The following B4GALT2 variants were observed in gnomAD, a reference collection of about 807,000 sequenced individuals.
The protein encoded by B4GALT2 is N-acetyllactosamine synthase.
In B4GALT2, 18 loss-of-function variants were observed where a neutral mutation model predicts 33.2. The observed-to-expected ratio is 0.54, with a 90% CI of 0.38 to 0.80. The LOEUF is 0.80. Ranked by LOEUF, B4GALT2 falls within the 30% of genes least tolerant of loss-of-function variation. B4GALT2 has a pLI of 0.00. For missense variants in B4GALT2, 404 were observed against 526.2 expected (o/e 0.77, Z 2.27); for synonymous variants, 214 against 217.6 (o/e 0.98, Z 0.15).
intron 3 of B4GALT2, among the ~76,000 whole-genome samples, chr1:43,983,300 A>T (rs2085621084): frequency 6.6e-6 from 1 of 152,192 alleles, no homozygotes; most frequent in South Asian, 2.1e-4. Context: ...GCATGAGAGG[A>T]GGAAGCCAGC....
chr1:43,980,531 C>G, intron 1 of B4GALT2: 1 of 994,716 alleles, frequency 1.0e-6, no homozygotes, highest in Non-Finnish European at 1.2e-6. Flanking sequence ...CTGCTTGTCG[C>G]TGGGATCTGA....
At position 43,989,679 on chromosome 1, in the gene B4GALT2, C is replaced by T. The variant is rs1028928924; in HGVS notation, c.969-619C>T. 3.3e-4 allele frequency among the ~76,000 whole-genome samples: 50 copies of T among 152,302 alleles called. 2 individuals carry two copies. The highest frequency in any genetic ancestry group is 1.8e-3 in the Admixed American group (27 of 15,288). On this transcript the variant is annotated intron_variant, in intron 6 of 6. Coordinates refer to ENST00000372324, the MANE Select transcript of B4GALT2 (RefSeq NM_003780.5). The stretch of plus-strand genomic sequence containing the variant: ...TCAAAAAGACAAAAGCACTCAAGTG[C>T]GCAGCCTCTGTAAGCTGGCTAGAAC...
In B4GALT2 at chr1:43,984,003, C is replaced by G. The variant is rs1407757267; in HGVS notation, c.550-862C>G. ...TCTCCAGGAACCTTTCTGGTTCTAG[C>G]CTGGAGACTGCAGGTTGGGGCAGGG... On this transcript the variant is annotated intron_variant, in intron 3 of 6. Transcript: ENST00000372324. This position sits in a 1 kb window ranked among gnomAD's most constrained non-coding sequence, Gnocchi z 5.6. Among the ~76,000 whole-genome samples the G allele has an allele frequency of 6.6e-6, 1 of 152,216 alleles. No individual in the cohort carries two copies. The highest frequency in any genetic ancestry group is 2.4e-5 in the African/African-American group (1 of 41,450).
At chr1:43,989,556 CAT>C (rs2085699585) in intron 6 of B4GALT2, among the ~76,000 whole-genome samples, 2 of 152,284 alleles carry the variant, frequency 1.3e-5, no homozygotes, top group Admixed American at 6.5e-5. Flanking sequence ...GGGGTCCTGA[CAT>C]ATGCATATCG....
intron 6 of B4GALT2, 125 bp downstream of exon 6, chr1:43,985,746 A>C: frequency 2.4e-6 from 2 of 847,676 alleles, no homozygotes; most frequent in Non-Finnish European, 3.8e-6. Context: ...TGACTCCAAA[A>C]AGGTGACTCC....
intron 6 of B4GALT2, among the ~76,000 whole-genome samples, chr1:43,988,097 A>C (rs1375589315): frequency 6.6e-6 from 1 of 152,234 alleles, no homozygotes; most frequent in Non-Finnish European, 1.5e-5. Flanking sequence ...CTCAATAAAT[A>C]GCTGGCAAGA....
At position 43,981,899 on chromosome 1, in the gene B4GALT2, G is replaced by A. The variant is rs751454567; in HGVS notation, c.524G>A (p.Arg175His). ...LHPILRRQRL[R>H]YGVYVINQHG... is the part of the protein sequence containing the mutation. ...CCCATCTTGAGGCGGCAGCGGCTGCGCTACGGCGTCTATGTCATCAACCAG... is the reference window on the plus strand; with the variant it reads ...CCCATCTTGAGGCGGCAGCGGCTGCACTACGGCGTCTATGTCATCAACCAG... The change falls in exon 3 of 7, where the codon CGC (arginine) becomes CAC (histidine). Residue 175 changes from arginine to histidine, a missense_variant. Transcript: ENST00000372324. This position sits in a 1 kb window ranked among gnomAD's most constrained non-coding sequence, Gnocchi z 8.1. 8.7e-6 allele frequency: 14 copies of A among 1,613,814 alleles called. No individual in the cohort carries two copies. The highest frequency in any genetic ancestry group is 1.1e-5 in the Non-Finnish European group (13 of 1,180,002).
At chr1:43,988,334 A>T (rs538285712) in intron 6 of B4GALT2, among the ~76,000 whole-genome samples, 2 of 148,022 alleles carry the variant, frequency 1.4e-5, no homozygotes, top group South Asian at 4.3e-4. Context: ...GACATAGTGA[A>T]ACCTTGTCTC....
Position 43,985,039 on chromosome 1 carries a change from G to A in B4GALT2, c.724G>A (p.Asp242Asn). ...DQPRHFAIAM[D>N]KFGFRLPYAG... The stretch of plus-strand genomic sequence containing the variant: ...ACCCCGCCACTTTGCCATTGCCATG[G>A]ACAAGTTTGGCTTCCGGTGAGGGCT... The change falls in exon 4 of 7, where the codon GAC becomes AAC. Residue 242 changes from aspartate to asparagine, a missense_variant. Coordinates refer to ENST00000372324, the MANE Select transcript of B4GALT2 (RefSeq NM_003780.5). 6.2e-7 allele frequency: 1 copy of A among 1,613,816 alleles called. No individual in the cohort carries two copies. The highest frequency in any genetic ancestry group is 8.5e-7 in the Non-Finnish European group (1 of 1,179,972).
At position 43,981,626 on chromosome 1, in the gene B4GALT2, G is replaced by C; in HGVS notation, c.314-63G>C. ...TCCCTAGCCCACCCCCAGGCTGAGG[G>C]TGGGGGCTGGTATCTGTGGATTCTG... On this transcript the variant is annotated intron_variant, in intron 2 of 6. Transcript: ENST00000372324. This position sits in a 1 kb window ranked among gnomAD's most constrained non-coding sequence, Gnocchi z 8.1. 2 of 1,551,236 alleles carry C rather than the reference G, an allele frequency of 1.3e-6. No homozygotes were observed. The highest frequency in any genetic ancestry group is 1.2e-5 in the South Asian group (1 of 81,530).
rs2085637641 is a variant in B4GALT2, at chr1:43,984,866, A to G, written c.551A>G (p.His184Arg). ...LRYGVYVINQ[H>R]GEDTFNRAKL... Reference sequence around the variant, plus strand: ...TGACCTGCTCCTCCCCCTACCCAGCATGGTGAGGACACCTTCAACCGGGCC... The same window carrying G: ...TGACCTGCTCCTCCCCCTACCCAGCGTGGTGAGGACACCTTCAACCGGGCC... Residue 184 changes from histidine to arginine, a missense_variant and splice_region_variant, in exon 4 of 7, where the codon CAT (histidine) becomes CGT (arginine). Transcript: ENST00000372324. This position sits in a 1 kb window ranked among gnomAD's most constrained non-coding sequence, Gnocchi z 5.6. The G allele has an allele frequency of 2.5e-6, 4 of 1,613,268 alleles. No individual in the cohort carries two copies. The highest frequency in any genetic ancestry group is 3.4e-6 in the Non-Finnish European group (4 of 1,179,648).
chr1:43,981,557 G>A lies in B4GALT2; in HGVS notation c.313+84G>A. On this transcript the variant is annotated intron_variant, in intron 2 of 6. Coordinates refer to ENST00000372324, the MANE Select transcript of B4GALT2 (RefSeq NM_003780.5). The surrounding 1 kb of genome is among the most constrained non-coding windows in gnomAD (Gnocchi z 8.1). ...AGAAATGGCATCTGGACCCAGGGGT[G>A]TGCCAGGGGTCCAGGTCTGTTGTAA... 5.3e-6 allele frequency: 8 copies of A among 1,519,750 alleles called. No individual in the cohort carries two copies. Among genetic ancestry groups the A allele is most frequent in the Non-Finnish European group, 7.1e-6 (8 of 1,132,898 alleles). 94.1% of individuals were successfully genotyped at this position (1,519,750 alleles called of 1,614,324 possible). A position where few individuals can be genotyped will look rare whatever the true frequency, so the allele number is the denominator to read the frequency against.
chr1:43,980,627 T>C lies in B4GALT2; in HGVS notation c.-52-482T>C, dbSNP rs2085583455. The C allele has an allele frequency of 3.1e-6, 3 of 981,754 alleles. No individual in the cohort carries two copies. In the South Asian group the frequency reaches 1.3e-4, roughly 43 times the overall value. 60.8% of individuals were successfully genotyped at this position (981,754 alleles called of 1,614,324 possible). A position where few individuals can be genotyped will look rare whatever the true frequency, so the allele number is the denominator to read the frequency against. ...GTGCTCCTGCATGGTAGGTGCACAGTATTCCGTCTCTTCCCTCTTCCCCAA... is the reference window on the plus strand; with the variant it reads ...GTGCTCCTGCATGGTAGGTGCACAGCATTCCGTCTCTTCCCTCTTCCCCAA... On this transcript the variant is annotated intron_variant, in intron 1 of 6. Transcript: ENST00000372324.
At chr1:43,987,379 T>C (rs1256602532) in intron 6 of B4GALT2, among the ~76,000 whole-genome samples, 1 of 152,132 alleles carries the variant, frequency 6.6e-6, no homozygotes, top group African/African-American at 2.4e-5. Context: ...GAAGCCCTTG[T>C]TTACATTTCA....
At chr1:43,986,009 G>A (rs148941983) in intron 6 of B4GALT2, 121 of 267,496 alleles carry the variant, frequency 4.5e-4, no homozygotes, top group African/African-American at 2.4e-3. Flanking sequence ...GAGCTAATGG[G>A]TGCTGGGCAC....
rs1339790472 is a variant in B4GALT2 at position 43,979,531 on chromosome 1, G to C, written c.-53+20G>C. Reference sequence around the variant, plus strand: ...CGCCGGGTGAGAGGAGGGCGCGCGCGGCCCCCACCCAGGGCCCCGAGATTC... The same window carrying C: ...CGCCGGGTGAGAGGAGGGCGCGCGCCGCCCCCACCCAGGGCCCCGAGATTC... On this transcript the variant is annotated intron_variant, in intron 1 of 6. Transcript: ENST00000372324. This position sits in a 1 kb window ranked among gnomAD's most constrained non-coding sequence, Gnocchi z 4.8. The C allele has an allele frequency of 1.9e-5, 3 of 153,924 alleles. No homozygotes were observed. Among genetic ancestry groups the C allele is most frequent in the African/African-American group, 7.3e-5 (3 of 41,294 alleles). The allele number at this position is 153,924 out of a possible 1,614,324, so 9.5% of individuals were successfully genotyped here.
In B4GALT2 at chr1:43,981,363, C is replaced by G; in HGVS notation, c.203C>G (p.Ser68Cys). 1 of 1,599,320 alleles carries G rather than the reference C, an allele frequency of 6.3e-7. No individual in the cohort carries two copies. ...AGCAGCAGCAGCAGCAGCAACTGCT[C>G]CCGGCCCAACGCCACCGCCTCTAGC... is the stretch of plus-strand genomic sequence containing the variant. ...ASSSSSSSNC[S>C]RPNATASSSG... Residue 68 changes from serine to cysteine, a missense_variant, in exon 2 of 7, where the codon TCC becomes TGC. Coordinates refer to ENST00000372324, the MANE Select transcript of B4GALT2 (RefSeq NM_003780.5). The surrounding 1 kb of genome is among the most constrained non-coding windows in gnomAD (Gnocchi z 8.1).
rs377284436 is a variant in B4GALT2, at chr1:43,984,849, T to C, written c.550-16T>C. The C allele has an allele frequency of 6.2e-7, 1 of 1,610,580 alleles. No homozygotes were observed. The highest frequency in any genetic ancestry group is 1.3e-5 in the African/African-American group (1 of 74,828). On this transcript the variant is annotated splice_polypyrimidine_tract_variant and intron_variant, in intron 3 of 6. Transcript: ENST00000372324. The surrounding 1 kb of genome is among the most constrained non-coding windows in gnomAD (Gnocchi z 5.6). ...GGTCACAGGCCCAGGGTTGACCTGC[T>C]CCTCCCCCTACCCAGCATGGTGAGG...
chr1:43,981,365 C>A lies in B4GALT2; in HGVS notation c.205C>A (p.Arg69=), dbSNP rs199512234. The change falls in exon 2 of 7, where the codon CGG becomes AGG. Residue 69 remains arginine (R), a synonymous_variant. Transcript: ENST00000372324. The surrounding 1 kb of genome is among the most constrained non-coding windows in gnomAD (Gnocchi z 8.1). Reference sequence around the variant, plus strand: ...CAGCAGCAGCAGCAGCAACTGCTCCCGGCCCAACGCCACCGCCTCTAGCTC... The same window carrying A: ...CAGCAGCAGCAGCAGCAACTGCTCCAGGCCCAACGCCACCGCCTCTAGCTC... ...SSSSSSSNCS[R]PNATASSSGL... 4.4e-6 allele frequency: 7 copies of A among 1,599,110 alleles called. No individual in the cohort carries two copies. Among genetic ancestry groups the A allele is most frequent in the Non-Finnish European group, 5.1e-6 (6 of 1,179,778 alleles).
Sources: gnomAD v4.1 joint callset for allele counts (sites outside exome capture counted in the v4.1 genomes callset) on GRCh38, gnomAD v4.1.1 for gene constraint, Gnocchi (gnomAD v3.1) non-coding constraint, MANE v1.5 for transcripts, NCBI Gene and HGNC (gene_info 2026-07-23, HGNC 2026-07-21) for gene names.